The following ADRA1B variants were observed in gnomAD, a reference collection of about 807,000 sequenced individuals.
ADRA1B encodes the protein alpha-1B adrenergic receptor.
A neutral mutation model predicts 17.9 loss-of-function variants in ADRA1B; 17 were observed. That is an observed-to-expected ratio of 0.95 (90% CI 0.65 to 1.42). The LOEUF is 1.42. ADRA1B is among the 40% of genes most tolerant of loss of function. ADRA1B has a pLI of 0.00. For synonymous variants in ADRA1B, 366 were observed against 327.6 expected (o/e 1.12, Z -1.27); for missense variants, 681 against 722.1 (o/e 0.94, Z 0.65).
chr5:159,951,623 C>A (rs1444664499), intron 1 of ADRA1B: 1 of 388,712 alleles, frequency 2.6e-6, no homozygotes, highest in East Asian at 6.1e-5. Context: ...CACTGTGAGA[C>A]AGGGGCAAAG....
intron 1 of ADRA1B, among the ~76,000 whole-genome samples, chr5:159,943,197 G>A (rs754095882): frequency 6.7e-6 from 1 of 148,986 alleles, no homozygotes; most frequent in Non-Finnish European, 1.5e-5. Flanking sequence ...GGGTGACAGA[G>A]CAAGACTCTG....
At chr5:159,921,775 T>C (rs1754488248) in intron 1 of ADRA1B, among the ~76,000 whole-genome samples, 1 of 152,210 alleles carries the variant, frequency 6.6e-6, no homozygotes, top group African/African-American at 2.4e-5. Flanking sequence ...CTCTCTCCAT[T>C]GATTTGATCC....
upstream of ADRA1B, among the ~76,000 whole-genome samples, chr5:159,913,780 G>C (rs934293311): frequency 5.3e-5 from 8 of 152,126 alleles, no homozygotes; most frequent in Non-Finnish European, 8.8e-5. Context: ...ATGGTGTGTT[G>C]CTGGCTGTTC....
downstream of ADRA1B, among the ~76,000 whole-genome samples, chr5:159,977,256 G>T (rs575522253): frequency 2.5e-4 from 38 of 152,252 alleles, no homozygotes; most frequent in African/African-American, 8.7e-4. Flanking sequence ...TATAGAAGAA[G>T]CCAGAGAGAA....
chr5:159,976,325 C>T (rs1041585628), downstream of ADRA1B, among the ~76,000 whole-genome samples: 8 of 152,008 alleles, frequency 5.3e-5, no homozygotes, highest in African/African-American at 1.2e-4. Flanking sequence ...TAGGGTCCAC[C>T]GTGAAGAAGA....
At chr5:159,959,052 C>T (rs1755617898) in intron 1 of ADRA1B, among the ~76,000 whole-genome samples, 1 of 152,224 alleles carries the variant, frequency 6.6e-6, no homozygotes, top group Non-Finnish European at 1.5e-5. Flanking sequence ...GCACTGACTG[C>T]ATGCCCAGGC....
At chr5:159,958,116 C>G (rs1476392907) in intron 1 of ADRA1B, among the ~76,000 whole-genome samples, 1 of 151,988 alleles carries the variant, frequency 6.6e-6, no homozygotes, top group Admixed American at 6.6e-5. Context: ...TTTAGCTGTG[C>G]TTAAAATGGT....
intron 1 of ADRA1B, among the ~76,000 whole-genome samples, chr5:159,886,771 G>A (rs901231224): frequency 1.3e-5 from 2 of 152,046 alleles, no homozygotes; most frequent in African/African-American, 4.8e-5. Flanking sequence ...TAATTAAGCA[G>A]ATACGGATCT....
intron 1 of ADRA1B, among the ~76,000 whole-genome samples, chr5:159,971,360 C>T (rs937730523): frequency 6.6e-6 from 1 of 152,100 alleles, no homozygotes; most frequent in African/African-American, 2.4e-5. Flanking sequence ...TTCTTCACCC[C>T]TAGATCAAAA....
At chr5:159,935,180 C>T (rs566274920) in intron 1 of ADRA1B, among the ~76,000 whole-genome samples, 166 of 152,166 alleles carry the variant, frequency 1.1e-3, no homozygotes, top group African/African-American at 3.9e-3. Flanking sequence ...GGAAAATTGT[C>T]TGTTAAAAAA....
At chr5:159,956,694 A>G (rs1438104836) in intron 1 of ADRA1B, among the ~76,000 whole-genome samples, 1 of 152,182 alleles carries the variant, frequency 6.6e-6, no homozygotes, top group Non-Finnish European at 1.5e-5. Context: ...TGAATGTCAA[A>G]TACTTAGATC....
rs1314124930 is a variant in ADRA1B, at chr5:159,919,897, C to A, written c.949+2043C>A. ...ACACGGCTCTGGTGATCAGGAGCAA[C>A]AGAGTTCCCATTTGAGCTTTGCCAT... On this transcript the variant is annotated intron_variant, in intron 1 of 1. Coordinates refer to ENST00000306675, the MANE Select transcript of ADRA1B (RefSeq NM_000679.4). Among the ~76,000 whole-genome samples the A allele has an allele frequency of 2.0e-5, 3 of 152,194 alleles. No individual in the cohort carries two copies. The South Asian group carries it at 6.2e-4, about 32-fold the overall frequency.
intron 1 of ADRA1B, among the ~76,000 whole-genome samples, chr5:159,942,830 T>G (rs66917527): frequency 0.12 from 17,891 of 152,204 alleles, 1,322 homozygotes; most frequent in Non-Finnish European, 0.16. Context: ...CCCCATAAAG[T>G]AGGGATACGA....
chr5:159,871,521 C>A (rs1753739299), intron 1 of ADRA1B: 1 of 152,192 alleles, frequency 6.6e-6, no homozygotes, highest in Non-Finnish European at 1.5e-5. Context: ...ATTCTAATTC[C>A]TTGGCTTGCA....
chr5:159,883,154 C>A (rs749225178), intron 1 of ADRA1B, among the ~76,000 whole-genome samples: 3 of 152,202 alleles, frequency 2.0e-5, no homozygotes, highest in Non-Finnish European at 4.4e-5. Context: ...GTGGCCCTTG[C>A]TCCTTCTCTT....
intron 1 of ADRA1B, among the ~76,000 whole-genome samples, chr5:159,908,306 G>A (rs778141467): frequency 1.3e-5 from 2 of 152,158 alleles, no homozygotes; most frequent in African/African-American, 4.8e-5. Flanking sequence ...TGGAGCTAAC[G>A]GTATCAACCA....
At chr5:159,870,538 G>T (rs1202125728) in intron 1 of ADRA1B, 3 of 152,166 alleles carry the variant, frequency 2.0e-5, no homozygotes, top group Non-Finnish European at 4.4e-5. Context: ...AAAAAATTCT[G>T]CAAGGGAAGC....
chr5:159,967,567 GA>G (rs1755797970), intron 1 of ADRA1B, among the ~76,000 whole-genome samples: 1 of 152,142 alleles, frequency 6.6e-6, no homozygotes, highest in Non-Finnish European at 1.5e-5. Flanking sequence ...TTACAGATGG[GA>G]AAATTGAGGC....
chr5:159,963,139 GA>G (rs1755708473), intron 1 of ADRA1B, among the ~76,000 whole-genome samples: 1 of 149,744 alleles, frequency 6.7e-6, no homozygotes, highest in African/African-American at 2.5e-5. Flanking sequence ...GAACATTTTG[GA>G]AAACACCAAA....
Sources: gnomAD v4.1 joint callset for allele counts (sites outside exome capture counted in the v4.1 genomes callset) on GRCh38, gnomAD v4.1.1 for gene constraint, MANE v1.5 for transcripts, NCBI Gene and HGNC (gene_info 2026-07-23, HGNC 2026-07-21) for gene names.